The following NFIA variants were observed in gnomAD, a reference collection of about 807,000 sequenced individuals.
NFIA encodes nuclear factor 1 A-type.
A neutral mutation model predicts 62.8 loss-of-function variants in NFIA; 8 were observed. The ratio of observed to expected loss-of-function variants is 0.13; its 90% CI spans 0.07 to 0.23. The LOEUF (loss-of-function observed/expected upper bound fraction) is 0.23, where lower values mean the gene tolerates loss of function less well. Ranked by LOEUF, NFIA falls within the 10% of genes least tolerant of loss-of-function variation. The pLI is 1.00. For synonymous variants in NFIA, 235 were observed against 238.1 expected, an observed-to-expected ratio of 0.99 and a Z score of 0.12; for missense variants, 410 against 642.1, an observed-to-expected ratio of 0.64 and a Z score of 3.91.
chr1:61,112,790 G>T (rs2100455885), intron 2 of NFIA, among the ~76,000 whole-genome samples: 1 of 152,214 alleles, frequency 6.6e-6, no homozygotes, highest in South Asian at 2.1e-4. Context: ...AAAGTCTGCT[G>T]CACTTTCTTT....
intron 2 of NFIA, among the ~76,000 whole-genome samples, chr1:61,253,057 A>G (rs1179327482): frequency 1.3e-5 from 2 of 152,220 alleles, no homozygotes; most frequent in Non-Finnish European, 2.9e-5. Flanking sequence ...TTGAAGTTCC[A>G]TAAAGAAGTT....
At chr1:61,284,576 T>C (rs1658363581) in intron 3 of NFIA, among the ~76,000 whole-genome samples, 1 of 147,716 alleles carries the variant, frequency 6.8e-6, no homozygotes, top group African/African-American at 2.5e-5. Context: ...AAATGGGGGG[T>C]GTGGGGGGAG....
At chr1:61,437,092 T>C in intron 10 of NFIA, among the ~76,000 whole-genome samples, 1 of 152,182 alleles carries the variant, frequency 6.6e-6, no homozygotes, top group East Asian at 1.9e-4. Flanking sequence ...CCTCGGACCC[T>C]CACAGTGCTG....
intron 2 of NFIA, among the ~76,000 whole-genome samples, chr1:61,115,680 C>T (rs866781502): frequency 2.0e-5 from 3 of 152,174 alleles, no homozygotes; most frequent in South Asian, 2.1e-4. Flanking sequence ...AGCAAGCACC[C>T]GTGCTTTACC....
At chr1:61,198,739 C>T (rs1241329516) in intron 2 of NFIA, among the ~76,000 whole-genome samples, 1 of 152,198 alleles carries the variant, frequency 6.6e-6, no homozygotes, top group African/African-American at 2.4e-5. Context: ...AAGCAGAGAA[C>T]TTTGCTTCTG....
At chr1:61,342,163 T>C (rs1661956759) in intron 4 of NFIA, among the ~76,000 whole-genome samples, 1 of 151,908 alleles carries the variant, frequency 6.6e-6, no homozygotes, top group South Asian at 2.1e-4. Flanking sequence ...AGAAAAAAAA[T>C]GAAAGTTATT....
rs75264410 is a variant in NFIA, at chr1:61,179,185, A to G, written c.559+90505A>G. On this transcript the variant is annotated intron_variant, in intron 2 of 10. Coordinates refer to ENST00000403491, the MANE Select transcript of NFIA (RefSeq NM_001134673.4). The stretch of plus-strand genomic sequence containing the variant: ...AGTGTGAGCAGCATGTGGGGAGGAC[A>G]CCAATAGTTTCTGTTACATTTGCTT... 3.1e-3 allele frequency among the ~76,000 whole-genome samples: 466 copies of G among 152,324 alleles called. 4 individuals carry two copies. The South Asian group carries it at 0.032, about 10-fold the overall frequency.
chr1:61,423,845 TC>T (rs1165020580), intron 9 of NFIA, among the ~76,000 whole-genome samples: 5 of 152,154 alleles, frequency 3.3e-5, no homozygotes, highest in Non-Finnish European at 7.4e-5. Context: ...AGTCAGAATT[TC>T]TTTCTTCCTT....
chr1:61,318,071 C>T (rs188334777), intron 3 of NFIA, among the ~76,000 whole-genome samples: 31 of 152,080 alleles, frequency 2.0e-4, no homozygotes, highest in Admixed American at 3.3e-4. Context: ...ATATAGATCC[C>T]TTTACAAGAG....
rs377228789 is a variant in NFIA at position 61,455,443 on chromosome 1, G to A, written c.*123G>A. 5.1e-5 allele frequency: 76 copies of A among 1,492,408 alleles called. No individual in the cohort carries two copies. In the African/African-American group the frequency reaches 8.2e-4, roughly 16 times the overall value. The allele number at this position is 1,492,408 out of a possible 1,614,324, so 92.4% of individuals were successfully genotyped here. On this transcript the variant is annotated 3_prime_UTR_variant, in exon 11 of 11. Coordinates refer to ENST00000403491, the MANE Select transcript of NFIA (RefSeq NM_001134673.4). The stretch of plus-strand genomic sequence containing the variant: ...CTATCAGCGGAAGGGGAGAAAAACC[G>A]ATTCAAATCAACTTGTACATGGAAA...
chr1:61,448,984 C>T (rs1343382177), intron 10 of NFIA, among the ~76,000 whole-genome samples: 2 of 152,110 alleles, frequency 1.3e-5, no homozygotes, highest in Non-Finnish European at 2.9e-5. Context: ...AGTGTTTTCC[C>T]GTCTTGAGGT....
intron 7 of NFIA, among the ~76,000 whole-genome samples, chr1:61,386,276 G>A (rs564656188): frequency 8.5e-5 from 13 of 152,274 alleles, no homozygotes; most frequent in East Asian, 1.9e-4. Flanking sequence ...TCACATGTGC[G>A]CATAAAGGAG....
chr1:61,435,697 C>T (rs1039741975), intron 10 of NFIA, among the ~76,000 whole-genome samples: 7 of 152,174 alleles, frequency 4.6e-5, no homozygotes, highest in African/African-American at 1.7e-4. Flanking sequence ...AGAAAACCAG[C>T]AGAAGATTAT....
chr1:61,297,712 G>C (rs1659261520), intron 3 of NFIA, among the ~76,000 whole-genome samples: 1 of 152,098 alleles, frequency 6.6e-6, no homozygotes. Context: ...CAGGTGATAG[G>C]CAGGTTTGCA....
At chr1:61,389,142 C>G (rs1016046393) in intron 7 of NFIA, among the ~76,000 whole-genome samples, 24 of 152,138 alleles carry the variant, frequency 1.6e-4, no homozygotes, top group African/African-American at 5.8e-4. Flanking sequence ...GTATGTGATT[C>G]AAGGCTGATA....
In NFIA at chr1:61,419,809, A is replaced by G. The variant is rs528968985; in HGVS notation, c.1421-6656A>G. Among the ~76,000 whole-genome samples the G allele has an allele frequency of 3.3e-5, 5 of 152,342 alleles. No homozygotes were observed. In the East Asian group the frequency reaches 9.6e-4, roughly 29 times the overall value. On this transcript the variant is annotated intron_variant, in intron 9 of 10. Coordinates refer to ENST00000403491, the MANE Select transcript of NFIA (RefSeq NM_001134673.4). ...TGCTAATATATTTAAGTTAGAATTC[A>G]TTAGCTTTTCAGGAAGGAAGCTTGT... is the stretch of plus-strand genomic sequence containing the variant.
intron 2 of NFIA, among the ~76,000 whole-genome samples, chr1:61,189,462 C>T (rs1450160893): frequency 2.6e-5 from 4 of 151,970 alleles, no homozygotes; most frequent in Admixed American, 6.6e-5. Flanking sequence ...GTCAGGAGAT[C>T]GAGACTATCC....
At chr1:61,278,823 C>A (rs940688833) in intron 3 of NFIA, among the ~76,000 whole-genome samples, 1 of 152,094 alleles carries the variant, frequency 6.6e-6, no homozygotes, top group South Asian at 2.1e-4. Context: ...CAGGCTGTGA[C>A]CTGCATTCAA....
chr1:61,078,402 G>A (rs1320394128), upstream of NFIA, among the ~76,000 whole-genome samples: 1 of 152,168 alleles, frequency 6.6e-6, no homozygotes, highest in African/African-American at 2.4e-5. Context: ...TTTATGCTCA[G>A]GGAAGCTGGT....
Sources: allele counts gnomAD v4.1 joint callset (sites outside exome capture counted in the v4.1 genomes callset), GRCh38; gene constraint gnomAD v4.1.1; transcripts MANE v1.5; gene names NCBI Gene and HGNC (gene_info 2026-07-23, HGNC 2026-07-21).